The following AGTPBP1 variants were observed in gnomAD, a reference collection of about 807,000 sequenced individuals.
AGTPBP1 encodes cytosolic carboxypeptidase 1.
AGTPBP1 carries 70 observed loss-of-function variants against 143.9 expected under a neutral mutation model. The ratio of observed to expected loss-of-function variants is 0.49; its 90% confidence interval spans 0.40 to 0.59. The LOEUF (loss-of-function observed/expected upper bound fraction) is 0.59, where lower values mean the gene tolerates loss of function less well. AGTPBP1 is among the 20% of genes least tolerant of loss of function. AGTPBP1 has a pLI of 0.00. For synonymous variants in AGTPBP1, 463 were observed against 500.2 expected (o/e 0.93, Z 0.99); for missense variants, 1,229 against 1,464.5 (o/e 0.84, Z 2.62).
intron 14 of AGTPBP1, among the ~76,000 whole-genome samples, chr9:85,623,939 C>G (rs1336669796): frequency 6.6e-6 from 1 of 152,140 alleles, no homozygotes; most frequent in Non-Finnish European, 1.5e-5. Flanking sequence ...CTCAAACTTA[C>G]TGCCATTCAA....
At chr9:85,714,797 A>C (rs1837596647) in intron 1 of AGTPBP1, among the ~76,000 whole-genome samples, 1 of 152,220 alleles carries the variant, frequency 6.6e-6, no homozygotes. Context: ...TAACATATTT[A>C]AGAATATTTG....
At chr9:85,658,116 C>G (rs1353680964) in intron 9 of AGTPBP1, among the ~76,000 whole-genome samples, 1 of 152,172 alleles carries the variant, frequency 6.6e-6, no homozygotes, top group South Asian at 2.1e-4. Context: ...ATTGTAGCTT[C>G]TATTGCAAAC....
the AGTPBP1 span, among the ~76,000 whole-genome samples, chr9:85,798,401 CTT>C: frequency 2.1e-5 from 3 of 140,950 alleles, no homozygotes; most frequent in African/African-American, 8.0e-5. Context: ...GAGTTTCGCT[CTT>C]GTTTCCTAGG....
intron 25 of AGTPBP1, among the ~76,000 whole-genome samples, chr9:85,549,620 T>A (rs1288757295): frequency 1.3e-5 from 2 of 152,054 alleles, no homozygotes; most frequent in Non-Finnish European, 2.9e-5. Context: ...GGAAACAGAA[T>A]GAGAGAAGTA....
At chr9:85,731,366 G>T (rs1587997685) in intron 1 of AGTPBP1, among the ~76,000 whole-genome samples, 1 of 152,102 alleles carries the variant, frequency 6.6e-6, no homozygotes, top group Non-Finnish European at 1.5e-5. Context: ...CTCACACATT[G>T]CTGACAGGAA....
intron 1 of AGTPBP1, among the ~76,000 whole-genome samples, chr9:85,729,773 T>TA (rs1434650220): frequency 3.3e-5 from 5 of 151,576 alleles, no homozygotes; most frequent in African/African-American, 9.7e-5. Flanking sequence ...AACAGGTATA[T>TA]AAAAAGTTGC....
chr9:85,722,901 T>C (rs1035679888), intron 1 of AGTPBP1, among the ~76,000 whole-genome samples: 2 of 152,182 alleles, frequency 1.3e-5, no homozygotes, highest in African/African-American at 2.4e-5. Flanking sequence ...TATTCCTTTC[T>C]GTTAGTTTTC....
At chr9:85,618,734 C>A (rs1413935782) in intron 17 of AGTPBP1, among the ~76,000 whole-genome samples, 1 of 151,990 alleles carries the variant, frequency 6.6e-6, no homozygotes, top group Non-Finnish European at 1.5e-5. Context: ...CATAATAAAC[C>A]TTTAGTTCCC....
chr9:85,733,584 T>C (rs1325144637), intron 1 of AGTPBP1, among the ~76,000 whole-genome samples: 2 of 151,830 alleles, frequency 1.3e-5, no homozygotes, highest in African/African-American at 4.8e-5. Flanking sequence ...AAACCCAAAG[T>C]GAGCAGAAGG....
chr9:85,572,907 A>G (rs2133016280), intron 25 of AGTPBP1, among the ~76,000 whole-genome samples: 1 of 152,330 alleles, frequency 6.6e-6, no homozygotes, highest in South Asian at 2.1e-4. Flanking sequence ...CTATACTGAC[A>G]TATACAACAG....
intron 11 of AGTPBP1, among the ~76,000 whole-genome samples, chr9:85,650,369 TC>T (rs1368406506): frequency 6.6e-6 from 1 of 152,012 alleles, no homozygotes; most frequent in East Asian, 1.9e-4. Context: ...CTCAGTCTAT[TC>T]AATGTGTAGA....
At chr9:85,565,579 G>A (rs549823613) in intron 25 of AGTPBP1, among the ~76,000 whole-genome samples, 8 of 152,308 alleles carry the variant, frequency 5.3e-5, no homozygotes, top group Non-Finnish European at 1.0e-4. Flanking sequence ...ACAGGGGGGT[G>A]ATCTTAGTAA....
chr9:85,669,748 T>C (rs1421351221), intron 7 of AGTPBP1, among the ~76,000 whole-genome samples, 170 bp from the exon 8 acceptor site: 1 of 151,944 alleles, frequency 6.6e-6, no homozygotes, highest in Non-Finnish European at 1.5e-5. Context: ...GTTTTTTGTT[T>C]TTGCTTTGTT....
intron 25 of AGTPBP1, among the ~76,000 whole-genome samples, chr9:85,565,671 T>C (rs566171110): frequency 6.6e-6 from 1 of 152,318 alleles, no homozygotes; most frequent in South Asian, 2.1e-4. Flanking sequence ...CTTCCCCTAC[T>C]GATTCCATGC....
chr9:85,649,274 A>C (rs912533176), intron 11 of AGTPBP1, among the ~76,000 whole-genome samples: 1 of 152,202 alleles, frequency 6.6e-6, no homozygotes, highest in Non-Finnish European at 1.5e-5. Flanking sequence ...TGCACATTCT[A>C]TAAGGACTGG....
chr9:85,751,612 C>T, the AGTPBP1 span, among the ~76,000 whole-genome samples: 1 of 151,966 alleles, frequency 6.6e-6, no homozygotes, highest in African/African-American at 2.4e-5. Flanking sequence ...GAACATTGCA[C>T]CTTTTGTTTT....
chr9:85,644,800 C>A (rs1303293894), intron 12 of AGTPBP1, among the ~76,000 whole-genome samples: 1 of 151,828 alleles, frequency 6.6e-6, no homozygotes, highest in Non-Finnish European at 1.5e-5. Context: ...ATAAATAATA[C>A]CCCCACTATG....
chr9:85,711,686 C>A (rs1436205662), intron 2 of AGTPBP1, among the ~76,000 whole-genome samples: 1 of 152,012 alleles, frequency 6.6e-6, no homozygotes, highest in South Asian at 2.1e-4. Flanking sequence ...ATGACCCACC[C>A]GCCTCGACCT....
At position 85,633,436 on chromosome 9, in the gene AGTPBP1, T is replaced by C. The variant is rs148259934; in HGVS notation, c.1303-62A>G. On this transcript the variant is annotated intron_variant, in intron 13 of 25. Transcript: ENST00000357081. ...AAATATTAAAACATATTAACAAAAC[T>C]AATACATTCATGTTATATATTGCTT... 9.1e-5 allele frequency: 114 copies of C among 1,253,102 alleles called. 1 individual carries two copies. The East Asian group carries it at 2.2e-3, about 24-fold the overall frequency. 77.6% of individuals were successfully genotyped at this position (1,253,102 alleles called of 1,614,324 possible). A position where few individuals can be genotyped will look rare whatever the true frequency, so the allele number is the denominator to read the frequency against.
Sources: allele counts gnomAD v4.1 joint callset (sites outside exome capture counted in the v4.1 genomes callset), GRCh38; gene constraint gnomAD v4.1.1; transcripts MANE v1.5; gene names NCBI Gene and HGNC (gene_info 2026-07-23, HGNC 2026-07-21).